GRIK2: variants seen among roughly 807,000 people sequenced by gnomAD.
GRIK2 encodes the protein glutamate receptor ionotropic, kainate 2.
Under a neutral mutation model 100.3 loss-of-function variants are expected in GRIK2, and 32 were observed. That is an observed-to-expected ratio of 0.32 (90% confidence interval 0.24 to 0.43). The LOEUF (loss-of-function observed/expected upper bound fraction) is 0.43. Among genes scored for constraint, GRIK2 ranks in the 20% least tolerant of loss-of-function variants. The probability of loss-of-function intolerance (pLI) is 1.00; values close to 1 mark genes in which losing one functional copy is unlikely to be tolerated. For missense variants in GRIK2, 843 were observed against 1,114.9 expected (o/e 0.76, Z 3.47); for synonymous variants, 417 against 389.4 (o/e 1.07, Z -0.83).
intron 7 of GRIK2, among the ~76,000 whole-genome samples, chr6:101,750,007 G>T (rs563763707): frequency 1.3e-5 from 2 of 151,106 alleles, no homozygotes; most frequent in African/African-American, 2.4e-5. Context: ...TAGGGACAGG[G>T]TTTCACCATG....
At chr6:102,015,801 C>A (rs1198335910) in intron 14 of GRIK2, among the ~76,000 whole-genome samples, 1 of 152,266 alleles carries the variant, frequency 6.6e-6, no homozygotes, top group Non-Finnish European at 1.5e-5. Flanking sequence ...CACAGCAGGT[C>A]CCTAACCTTG....
intron 2 of GRIK2, among the ~76,000 whole-genome samples, chr6:101,502,452 T>C (rs1773808314): frequency 6.6e-6 from 1 of 151,966 alleles, no homozygotes; most frequent in South Asian, 2.1e-4. Context: ...AATGTGAATG[T>C]GAATGCACTG....
At chr6:101,440,890 G>GT (rs71547429) in intron 2 of GRIK2, among the ~76,000 whole-genome samples, 6,538 of 139,646 alleles carry the variant, frequency 0.047, 276 homozygotes, top group South Asian at 0.11. Context: ...ATGCTTTTTT[G>GT]TTTTTTTTTT....
rs542109965 is a variant in GRIK2, at chr6:101,633,990, GT to G, written c.541+7361del. Among the ~76,000 whole-genome samples, 111 of 151,676 alleles carry G rather than the reference GT, an allele frequency of 7.3e-4. 1 individual carries two copies. Among genetic ancestry groups the G allele is most frequent in the African/African-American group, 2.2e-3 (91 of 41,376 alleles). On this transcript the variant is annotated intron_variant, in intron 4 of 16. Coordinates refer to ENST00000369134, the MANE Select transcript of GRIK2 (RefSeq NM_021956.5). Reference sequence around the variant, plus strand: ...TTAGTTGTTGTTTTATTTTGTGGGGGTTTTTTTTGGCTCTTTTTAAAAATCA... The same window carrying G: ...TTAGTTGTTGTTTTATTTTGTGGGGGTTTTTTTGGCTCTTTTTAAAAATCA...
At chr6:101,866,883 T>C (rs1331346880) in intron 11 of GRIK2, among the ~76,000 whole-genome samples, 2 of 151,508 alleles carry the variant, frequency 1.3e-5, no homozygotes, top group South Asian at 4.1e-4. Context: ...CAGCTAAGAC[T>C]TTATCTCTTA....
At chr6:101,610,122 T>C (rs1779606348) in intron 2 of GRIK2, among the ~76,000 whole-genome samples, 1 of 151,488 alleles carries the variant, frequency 6.6e-6, no homozygotes, top group African/African-American at 2.4e-5. Flanking sequence ...CACACAAAAA[T>C]ATACATTTAT....
chr6:101,435,611 C>A (rs1419144263), intron 2 of GRIK2, among the ~76,000 whole-genome samples: 1 of 152,100 alleles, frequency 6.6e-6, no homozygotes, highest in Non-Finnish European at 1.5e-5. Flanking sequence ...CCTTTGCACA[C>A]ATGATTTCTA....
At chr6:101,878,446 C>A (rs1786021710) in intron 11 of GRIK2, among the ~76,000 whole-genome samples, 2 of 151,676 alleles carry the variant, frequency 1.3e-5, no homozygotes, top group Admixed American at 6.6e-5. Context: ...CTGAGAATTA[C>A]ATGGGAGGCC....
intron 4 of GRIK2, among the ~76,000 whole-genome samples, chr6:101,659,898 T>G (rs564206048): frequency 1.3e-5 from 2 of 152,306 alleles, no homozygotes; most frequent in East Asian, 3.9e-4. Flanking sequence ...TGGCTGCCCT[T>G]AACATTTTTT....
intron 2 of GRIK2, among the ~76,000 whole-genome samples, chr6:101,413,268 C>G (rs747464357): frequency 1.3e-5 from 2 of 152,030 alleles, no homozygotes; most frequent in South Asian, 2.1e-4. Flanking sequence ...CTCCCTTCCT[C>G]TCTTTGTGTG....
chr6:101,412,227 T>TA (rs1244122606), intron 2 of GRIK2, among the ~76,000 whole-genome samples: 2 of 152,092 alleles, frequency 1.3e-5, no homozygotes, highest in African/African-American at 4.8e-5. Context: ...TATTCTTATA[T>TA]ATTTGTTTTA....
chr6:101,687,857 C>G (rs2128344809), intron 7 of GRIK2, among the ~76,000 whole-genome samples: 1 of 151,306 alleles, frequency 6.6e-6, no homozygotes, highest in East Asian at 1.9e-4. Flanking sequence ...ACCTAAATAA[C>G]TTAAAAATTA....
intron 7 of GRIK2, among the ~76,000 whole-genome samples, chr6:101,798,695 G>C (rs1326058348): frequency 2.6e-5 from 4 of 151,808 alleles, no homozygotes; most frequent in African/African-American, 4.8e-5. Context: ...TTATTCTAAA[G>C]CATGCCAAGC....
chr6:101,857,835 C>G (rs1055929482), intron 10 of GRIK2, among the ~76,000 whole-genome samples: 1 of 152,144 alleles, frequency 6.6e-6, no homozygotes, highest in East Asian at 1.9e-4. Flanking sequence ...CAGAGCCTCA[C>G]AAAAATTGGC....
chr6:101,617,072 CT>C (rs1310939893), intron 2 of GRIK2, among the ~76,000 whole-genome samples: 10 of 151,590 alleles, frequency 6.6e-5, no homozygotes, highest in African/African-American at 2.2e-4. Context: ...AATATTGAAG[CT>C]ACATTTAGTA....
At chr6:101,398,661 A>G (rs532326877) in intron 1 of GRIK2, 6 of 188,126 alleles carry the variant, frequency 3.2e-5, no homozygotes, top group African/African-American at 7.0e-5. Flanking sequence ...CTCAGCAAAT[A>G]CTCATGGAAA....
At chr6:101,821,527 T>C (rs1288062654) in intron 10 of GRIK2, among the ~76,000 whole-genome samples, 1 of 152,156 alleles carries the variant, frequency 6.6e-6, no homozygotes, top group East Asian at 1.9e-4. Context: ...CTATGGAAGA[T>C]GCACTAAGCT....
rs186776886 is a variant in GRIK2 at position 101,795,021 on chromosome 6, C to T, written c.952-4627C>T. The stretch of plus-strand genomic sequence containing the variant: ...GCTGGAATTACAGGCCCACAGCTAC[C>T]ATGACCCACTAACTTTTGTATTTTT... On this transcript the variant is annotated intron_variant, in intron 7 of 16. Transcript: ENST00000369134. Among the ~76,000 whole-genome samples the T allele has an allele frequency of 7.2e-5, 11 of 152,038 alleles. No individual in the cohort carries two copies. In the East Asian group the frequency reaches 2.1e-3, roughly 30 times the overall value.
rs552588853 is a variant in GRIK2 at position 101,403,236 on chromosome 6, A to C, written c.115+3844A>C. On this transcript the variant is annotated intron_variant, in intron 2 of 16. Transcript: ENST00000369134. Reference sequence around the variant, plus strand: ...TAGAGCTCCAGTAGCAAAGACATCAACCCAAACTTAGGCTCCTGGGCACCA... The same window carrying C: ...TAGAGCTCCAGTAGCAAAGACATCACCCCAAACTTAGGCTCCTGGGCACCA... 4.6e-5 allele frequency among the ~76,000 whole-genome samples: 7 copies of C among 152,294 alleles called. No homozygotes were observed. The South Asian group carries it at 1.5e-3, about 32-fold the overall frequency.
Sources: allele counts gnomAD v4.1 joint callset (sites outside exome capture counted in the v4.1 genomes callset), GRCh38; gene constraint gnomAD v4.1.1; transcripts MANE v1.5; gene names NCBI Gene and HGNC (gene_info 2026-07-23, HGNC 2026-07-21).